The following C2orf49 variants were observed in gnomAD, a reference collection of about 807,000 sequenced individuals.
C2orf49 encodes the protein tRNA-splicing ligase complex subunit ASW.
In C2orf49, 11 loss-of-function variants were observed where a neutral mutation model predicts 20.6. The ratio of observed to expected loss-of-function variants is 0.53; its 90% CI spans 0.34 to 0.88. The LOEUF is 0.88. Ranked by LOEUF, C2orf49 falls within the 40% of genes least tolerant of loss-of-function variation. The pLI, the probability that C2orf49 is intolerant of heterozygous loss-of-function variation, is 0.02. For synonymous variants in C2orf49, 134 were observed against 108.5 expected, an observed-to-expected ratio of 1.24 and a Z score of -1.46; for missense variants, 289 against 274.2, an observed-to-expected ratio of 1.05 and a Z score of -0.38.
rs570045749 is a variant in C2orf49 at position 105,344,178 on chromosome 2, C to T, written c.642+955C>T. 5.7e-4 allele frequency among the ~76,000 whole-genome samples: 87 copies of T among 152,192 alleles called. No individual in the cohort carries two copies. In the Middle Eastern group the frequency reaches 0.024, roughly 42 times the overall value. On this transcript the variant is annotated intron_variant, in intron 3 of 3. Transcript: ENST00000258457. ...AATTTAAATAAGTTTGTCCAGAATT[C>T]CAGAGTTATTAGTAAGCCACCAGGC...
chr2:105,385,051 C>T, the C2orf49 span, among the ~76,000 whole-genome samples: 2 of 152,204 alleles, frequency 1.3e-5, no homozygotes, highest in African/African-American at 4.8e-5. Context: ...GCCAGATCAG[C>T]TATTTTTGCT....
chr2:105,338,805 G>C (rs1405007893), intron 1 of C2orf49, among the ~76,000 whole-genome samples: 1 of 152,190 alleles, frequency 6.6e-6, no homozygotes, highest in Non-Finnish European at 1.5e-5. Context: ...AAGCCTTTCT[G>C]AGTTGAAATT....
chr2:105,350,577 A>AC, downstream of C2orf49, among the ~76,000 whole-genome samples: 1 of 152,246 alleles, frequency 6.6e-6, no homozygotes, highest in South Asian at 2.1e-4. Context: ...CTTCAGGTAA[A>AC]TAGTTTAAAC....
chr2:105,373,698 G>A, the C2orf49 span: 817 of 1,614,196 alleles, frequency 5.1e-4, 6 homozygotes, highest in South Asian at 4.6e-3. Context: ...AGTGGAAACA[G>A]GCTTCATGCC....
chr2:105,360,950 C>T, the C2orf49 span: 4 of 189,184 alleles, frequency 2.1e-5, no homozygotes, highest in Admixed American at 1.8e-4. Context: ...CTTTCAAGTT[C>T]GTGACATATG....
At chr2:105,365,242 C>T in the C2orf49 span, among the ~76,000 whole-genome samples, 1 of 152,332 alleles carries the variant, frequency 6.6e-6, no homozygotes, top group Middle Eastern at 3.4e-3. Context: ...TGCTCAGTAA[C>T]TACTGACGGG....
At chr2:105,344,858 G>T (rs547683017) in intron 3 of C2orf49, among the ~76,000 whole-genome samples, 1 of 151,978 alleles carries the variant, frequency 6.6e-6, no homozygotes, top group Non-Finnish European at 1.5e-5. Flanking sequence ...GATTACAGAC[G>T]TGAGCCACCT....
intron 2 of C2orf49, among the ~76,000 whole-genome samples, chr2:105,342,107 G>A (rs1047739108): frequency 6.6e-6 from 1 of 152,218 alleles, no homozygotes; most frequent in African/African-American, 2.4e-5. Flanking sequence ...GGGAGGCAGA[G>A]GTTGCAGTGA....
At chr2:105,380,564 G>A in the C2orf49 span, among the ~76,000 whole-genome samples, 13 of 152,100 alleles carry the variant, frequency 8.5e-5, no homozygotes, top group South Asian at 2.1e-4. Flanking sequence ...GCTCCAAACC[G>A]ATTTTTAGTT....
At chr2:105,373,715 G>A in the C2orf49 span, 30 of 1,613,870 alleles carry the variant, frequency 1.9e-5, no homozygotes, top group Admixed American at 5.0e-5. Context: ...TGCCAGTGCC[G>A]GTCCTTGTAA....
the C2orf49 span, among the ~76,000 whole-genome samples, chr2:105,372,008 T>C: frequency 6.6e-6 from 1 of 152,102 alleles, no homozygotes; most frequent in Non-Finnish European, 1.5e-5. Context: ...AGCTGCCCCA[T>C]CTAAAGTCAC....
At position 105,337,625 on chromosome 2, in the gene C2orf49, C is replaced by T; in HGVS notation, c.38C>T (p.Ser13Leu). ...GTGGGCGGTCGCAGCTGCACGGACT[C>T]GGAACTGCTGCTGCACCCGGAGCTG... ...GDVGGRSCTD[S>L]ELLLHPELLS... The change falls in exon 1 of 4, where the codon TCG (serine) becomes TTG (leucine). Residue 13 changes from serine to leucine, a missense_variant. Ser to Leu is a moderately radical substitution (Grantham distance 145). Coordinates refer to ENST00000258457, the MANE Select transcript of C2orf49 (RefSeq NM_024093.3). 1 of 1,606,552 alleles carries T rather than the reference C, an allele frequency of 6.2e-7. No individual in the cohort carries two copies. The highest frequency in any genetic ancestry group is 8.5e-7 in the Non-Finnish European group (1 of 1,176,770).
At chr2:105,355,171 C>T in the C2orf49 span, among the ~76,000 whole-genome samples, 1 of 151,972 alleles carries the variant, frequency 6.6e-6, no homozygotes, top group African/African-American at 2.4e-5. Flanking sequence ...TACATCTTTC[C>T]TTTTCATGCA....
chr2:105,355,770 T>TG, the C2orf49 span, among the ~76,000 whole-genome samples: 1,920 of 143,178 alleles, frequency 0.013, 24 homozygotes, highest in Middle Eastern at 0.046. Context: ...AGAAAAAATT[T>TG]TGTGTGTGTG....
At chr2:105,339,963 G>T (rs1385192408) in intron 2 of C2orf49, among the ~76,000 whole-genome samples, 1 of 152,124 alleles carries the variant, frequency 6.6e-6, no homozygotes, top group East Asian at 1.9e-4. Context: ...GTTAAAATAT[G>T]GTATTGTTAT....
downstream of C2orf49, among the ~76,000 whole-genome samples, chr2:105,349,788 T>A (rs1451816525): frequency 6.6e-6 from 1 of 152,238 alleles, no homozygotes; most frequent in Non-Finnish European, 1.5e-5. Context: ...GAAAGGCCTC[T>A]GAAGATACTA....
the C2orf49 span, among the ~76,000 whole-genome samples, chr2:105,380,411 A>G: frequency 6.6e-6 from 1 of 152,116 alleles, no homozygotes; most frequent in Non-Finnish European, 1.5e-5. Context: ...CTATCTGTTT[A>G]GAGACAGGGG....
the C2orf49 span, among the ~76,000 whole-genome samples, chr2:105,370,376 A>G: frequency 6.7e-6 from 1 of 149,026 alleles, no homozygotes; most frequent in South Asian, 2.1e-4. Flanking sequence ...TCCTGGCTCA[A>G]AAAAAAAAAA....
rs1049596508 is a variant in C2orf49 at position 105,348,171 on chromosome 2, C to T, written c.*2800C>T. On this transcript the variant is annotated 3_prime_UTR_variant, in exon 4 of 4. Coordinates refer to ENST00000258457, the MANE Select transcript of C2orf49 (RefSeq NM_024093.3). The stretch of plus-strand genomic sequence containing the variant: ...CTGAGAGGTGAAGATAGGCTGACCC[C>T]CTGTCCTCTTACATTTGAGGGATCA... The T allele has an allele frequency of 2.6e-5, 4 of 152,148 alleles. No individual in the cohort carries two copies. The highest frequency in any genetic ancestry group is 6.5e-5 in the Admixed American group (1 of 15,268). 9.4% of individuals were successfully genotyped at this position (152,148 alleles called of 1,614,324 possible).
Sources: gnomAD v4.1 joint callset for allele counts (sites outside exome capture counted in the v4.1 genomes callset) on GRCh38, gnomAD v4.1.1 for gene constraint, MANE v1.5 for transcripts, NCBI Gene and HGNC (gene_info 2026-07-23, HGNC 2026-07-21) for gene names.